Variants in CAMK2D observed in about 807,000 individuals in gnomAD.
The protein encoded by CAMK2D is calcium/calmodulin-dependent protein kinase type II subunit delta.
CAMK2D carries 37 observed loss-of-function variants against 84.0 expected under a neutral mutation model. The ratio of observed to expected loss-of-function variants is 0.44; its 90% CI spans 0.34 to 0.58. CAMK2D has a LOEUF of 0.58. Among genes scored for constraint, CAMK2D ranks in the 20% least tolerant of loss-of-function variants. The pLI is 0.02. For synonymous variants in CAMK2D, 202 were observed against 212.5 expected (o/e 0.95, Z 0.43); for missense variants, 448 against 652.5 (o/e 0.69, Z 3.41).
intron 3 of CAMK2D, among the ~76,000 whole-genome samples, chr4:113,610,709 C>A (rs1408433199): frequency 6.6e-6 from 1 of 152,052 alleles, no homozygotes; most frequent in African/African-American, 2.4e-5. Flanking sequence ...CAGTCTCAGA[C>A]CCTCTACTTA....
At chr4:113,485,623 C>CA (rs2097758796) in intron 16 of CAMK2D, among the ~76,000 whole-genome samples, 2 of 152,162 alleles carry the variant, frequency 1.3e-5, no homozygotes, top group Admixed American at 1.3e-4. Context: ...GAGTGTTCTA[C>CA]CTATGGACAT....
intron 4 of CAMK2D, among the ~76,000 whole-genome samples, chr4:113,577,799 T>G (rs767299937): frequency 2.4e-4 from 36 of 151,930 alleles, no homozygotes; most frequent in Admixed American, 2.1e-3. Context: ...ATTATTTGCA[T>G]AAATGTTGTG....
intron 7 of CAMK2D, among the ~76,000 whole-genome samples, chr4:113,535,056 C>T (rs1266361307): frequency 6.6e-6 from 1 of 152,166 alleles, no homozygotes; most frequent in Non-Finnish European, 1.5e-5. Context: ...AACATAGCTG[C>T]TGATGCTAAT....
At chr4:113,592,144 G>C (rs190717399) in intron 4 of CAMK2D, among the ~76,000 whole-genome samples, 3 of 152,212 alleles carry the variant, frequency 2.0e-5, no homozygotes, top group South Asian at 4.1e-4. Flanking sequence ...ACTGCAAGCC[G>C]ACAGCAGAAC....
intron 16 of CAMK2D, among the ~76,000 whole-genome samples, chr4:113,494,299 G>A (rs903420342): frequency 9.9e-5 from 15 of 152,220 alleles, no homozygotes; most frequent in Non-Finnish European, 2.2e-4. Context: ...TGATGATGGT[G>A]ATATACAGAT....
At chr4:113,540,560 C>G (rs1280587998) in intron 6 of CAMK2D, among the ~76,000 whole-genome samples, 1 of 152,138 alleles carries the variant, frequency 6.6e-6, no homozygotes, top group Non-Finnish European at 1.5e-5. Flanking sequence ...ACTTGGGCAA[C>G]TCACAAATGC....
chr4:113,473,462 A>G (rs1015726411), intron 16 of CAMK2D, among the ~76,000 whole-genome samples: 1 of 152,226 alleles, frequency 6.6e-6, no homozygotes, highest in African/African-American at 2.4e-5. Flanking sequence ...TTTTAAAATC[A>G]AACTTATCAC....
chr4:113,603,969 A>T (rs1216903065), intron 4 of CAMK2D, among the ~76,000 whole-genome samples: 3 of 151,382 alleles, frequency 2.0e-5, no homozygotes, highest in East Asian at 3.9e-4. Flanking sequence ...AAAGAAGAAA[A>T]TTTTTTCATA....
chr4:113,578,624 T>C (rs905137894), intron 4 of CAMK2D, among the ~76,000 whole-genome samples: 2 of 152,228 alleles, frequency 1.3e-5, no homozygotes, highest in African/African-American at 4.8e-5. Context: ...TTAAATATGA[T>C]ATCTTAAACC....
At chr4:113,571,119 AACT>A (rs59946715) in intron 4 of CAMK2D, among the ~76,000 whole-genome samples, 5,923 of 152,232 alleles carry the variant, frequency 0.039, 391 homozygotes, top group African/African-American at 0.13. Flanking sequence ...TTGTTAGAAC[AACT>A]ACTATCTAAA....
intron 2 of CAMK2D, 105 bp downstream of exon 2, chr4:113,759,215 G>C (rs910486381): frequency 2.1e-5 from 13 of 626,784 alleles, no homozygotes; most frequent in Non-Finnish European, 3.3e-5. Flanking sequence ...TGATACCTAA[G>C]TCTAAAGTTC....
intron 14 of CAMK2D, 80 bp downstream of exon 14, chr4:113,504,896 T>C (rs2098109368): frequency 1.8e-6 from 1 of 568,078 alleles, no homozygotes; most frequent in Non-Finnish European, 2.8e-6. Flanking sequence ...TGTATCTATA[T>C]AGTGAAAGCA....
intron 17 of CAMK2D, among the ~76,000 whole-genome samples, chr4:113,461,089 T>C (rs2097367730): frequency 6.6e-6 from 1 of 152,220 alleles, no homozygotes; most frequent in South Asian, 2.1e-4. Flanking sequence ...TTCCTGGCAA[T>C]GTCCACAAGA....
chr4:113,502,719 G>A (rs1407305901), intron 15 of CAMK2D, among the ~76,000 whole-genome samples: 1 of 152,082 alleles, frequency 6.6e-6, no homozygotes, highest in African/African-American at 2.4e-5. Context: ...GACTTTTATT[G>A]ACTCATGGTA....
At chr4:113,650,532 AG>A (rs1414018284) in intron 3 of CAMK2D, among the ~76,000 whole-genome samples, 2 of 151,788 alleles carry the variant, frequency 1.3e-5, no homozygotes, top group Non-Finnish European at 2.9e-5. Context: ...AAAAAAAAAA[AG>A]AAATTAGAGA....
chr4:113,477,238 G>C (rs183918328), intron 16 of CAMK2D, among the ~76,000 whole-genome samples: 1 of 152,278 alleles, frequency 6.6e-6, no homozygotes, highest in East Asian at 1.9e-4. Context: ...GTAGGCCCAA[G>C]AGCCATTTCC....
At chr4:113,503,177 C>T in intron 14 of CAMK2D, 200 bp from the exon 15 acceptor site, 1 of 728,806 alleles carries the variant, frequency 1.4e-6, no homozygotes, top group South Asian at 1.4e-5. Context: ...ATAGGAACCT[C>T]CCTACCCAGA....
At chr4:113,643,984 G>C (rs2154296534) in intron 3 of CAMK2D, among the ~76,000 whole-genome samples, 1 of 152,240 alleles carries the variant, frequency 6.6e-6, no homozygotes, top group South Asian at 2.1e-4. Flanking sequence ...AATACAATAT[G>C]CTTTTCTGTA....
chr4:113,548,677 T>C (rs2098601743), intron 5 of CAMK2D: 1 of 1,571,692 alleles, frequency 6.4e-7, no homozygotes, highest in Non-Finnish European at 8.8e-7. Flanking sequence ...CTGTGAACTA[T>C]GCCATTTAGG....
Sources: allele counts gnomAD v4.1 joint callset (sites outside exome capture counted in the v4.1 genomes callset), GRCh38; gene constraint gnomAD v4.1.1; transcripts MANE v1.5; gene names NCBI Gene and HGNC (gene_info 2026-07-23, HGNC 2026-07-21).